Variants in BAIAP2L2 observed in about 807,000 individuals in gnomAD.
BAIAP2L2 encodes BAR/IMD domain-containing adapter protein 2-like 2.
BAIAP2L2 carries 65 observed loss-of-function variants against 60.4 expected under a neutral mutation model. The observed-to-expected ratio is 1.08, with a 90% CI of 0.88 to 1.32. BAIAP2L2 has a LOEUF of 1.32. BAIAP2L2 is among the 40% of genes most tolerant of loss of function. BAIAP2L2 has a pLI of 0.00. For synonymous variants in BAIAP2L2, 344 were observed against 301.7 expected (o/e 1.14, Z -1.45); for missense variants, 836 against 741.2 (o/e 1.13, Z -1.48).
Position 38,089,558 on chromosome 22 carries a change from G to GT in BAIAP2L2, c.728dup (p.Tyr243Ter). 1 of 1,228,552 alleles carries GT rather than the reference G, an allele frequency of 8.1e-7. No homozygotes were observed. Among genetic ancestry groups the GT allele is most frequent in the Non-Finnish European group, 1.0e-6 (1 of 986,628 alleles). The allele number at this position is 1,228,552 out of a possible 1,614,324, so 76.1% of individuals were successfully genotyped here. The change falls in exon 8 of 14, where the codon TAC becomes TAAC. Residue 243 changes from tyrosine to a stop codon, truncating the protein, a stop_gained and frameshift_variant. Transcript: ENST00000381669. LOFTEE classifies it high-confidence loss of function. The stretch of plus-strand genomic sequence containing the variant: ...AGGTGGGCGTCAGGCGGCCCGAGGG[G>GT]TAGGGCGGCCCCAGCGCGGGGCCCA... ...GLLGPALGPPYPSGRLTPTCL... is the reference protein window; with the variant it reads ...GLLGPALGPP
In BAIAP2L2 at chr22:38,097,102, T is replaced by C. The variant is rs772075601; in HGVS notation, c.542A>G (p.Lys181Arg). 1.9e-5 allele frequency: 30 copies of C among 1,613,962 alleles called. No individual in the cohort carries two copies. The highest frequency in any genetic ancestry group is 1.6e-4 in the Middle Eastern group (1 of 6,080). The change falls in exon 7 of 14, where the codon AAG becomes AGG. Residue 181 changes from lysine (K) to arginine (R), a missense_variant. Lys to Arg is a conservative substitution (Grantham distance 26). Coordinates refer to ENST00000381669, the MANE Select transcript of BAIAP2L2 (RefSeq NM_025045.6). ...ESQRAAELEEKRRYRFLAEKH... is the reference protein window; with the variant it reads ...ESQRAAELEERRRYRFLAEKH... ...CTCTGCTAGGAAGCGATAGCGCCGCTTCTCTTCCAATTCAGCCGCCCGCTG... is the reference window on the plus strand; with the variant it reads ...CTCTGCTAGGAAGCGATAGCGCCGCCTCTCTTCCAATTCAGCCGCCCGCTG...
intron 7 of BAIAP2L2, chr22:38,090,030 T>G (rs1409062301): frequency 1.1e-5 from 2 of 187,920 alleles, no homozygotes; most frequent in Admixed American, 6.2e-5. Flanking sequence ...GGAATGGCGC[T>G]TAGATAGAAA....
In BAIAP2L2 at chr22:38,087,158, T is replaced by TCATGGGTGA; in HGVS notation, c.1224_1225insTCACCCATG (p.Ser406_Met408dup). The TCATGGGTGA allele has an allele frequency of 1.9e-6, 3 of 1,588,802 alleles. No homozygotes were observed. The highest frequency in any genetic ancestry group is 2.6e-6 in the Non-Finnish European group (3 of 1,166,456). On this transcript the variant is annotated inframe_insertion, in exon 11 of 14. Coordinates refer to ENST00000381669, the MANE Select transcript of BAIAP2L2 (RefSeq NM_025045.6). ...AGCTCGTTCCCGGGGTTCATGGGTGTCATGGGGGACATGGAGGTCATGGAG... is the reference window on the plus strand; with the variant it reads ...AGCTCGTTCCCGGGGTTCATGGGTGTCATGGGTGACATGGGGGACATGGAGGTCATGGAG...
At chr22:38,090,707 T>C (rs911294225) in intron 7 of BAIAP2L2, 1 of 152,256 alleles carries the variant, frequency 6.6e-6, no homozygotes, top group Non-Finnish European at 1.5e-5. Context: ...AAGAAGATAC[T>C]GAGGGTCAGA....
At chr22:38,092,114 A>AT (rs2086318609) in intron 7 of BAIAP2L2, among the ~76,000 whole-genome samples, 1 of 152,268 alleles carries the variant, frequency 6.6e-6, no homozygotes, top group African/African-American at 2.4e-5. Context: ...TCCTGGAGAT[A>AT]CATTTGCACA....
At position 38,088,878 on chromosome 22, in the gene BAIAP2L2, G is replaced by A. The variant is rs773780836; in HGVS notation, c.988C>T (p.Arg330Cys). 5.0e-6 allele frequency: 8 copies of A among 1,587,754 alleles called. No individual in the cohort carries two copies. Among genetic ancestry groups the A allele is most frequent in the African/African-American group, 1.3e-5 (1 of 74,676 alleles). ...CCCTCCGAGTGGGAGACCAGGGCGC[G>A]GACTCTCCTGGCGCCCCCGCCGCCG... ...PGGGGGARRV[R>C]ALVSHSEGAN... is the part of the protein sequence containing the mutation. The change falls in exon 10 of 14, where the codon CGC (arginine) becomes TGC (cysteine). Residue 330 changes from arginine (R) to cysteine (C), a missense_variant. Physicochemically the swap from Arg to Cys is radical, Grantham distance 180. Coordinates refer to ENST00000381669, the MANE Select transcript of BAIAP2L2 (RefSeq NM_025045.6).
chr22:38,097,775 G>A (rs2086472348), intron 6 of BAIAP2L2, among the ~76,000 whole-genome samples: 1 of 152,092 alleles, frequency 6.6e-6, no homozygotes, highest in Admixed American at 6.5e-5. Context: ...CAATTTTCTC[G>A]GTGAAGTAGG....
intron 4 of BAIAP2L2, among the ~76,000 whole-genome samples, chr22:38,107,412 C>T (rs992324028): frequency 6.6e-6 from 1 of 152,092 alleles, no homozygotes. Flanking sequence ...GCTGCTGGAT[C>T]GACAGAGCCA....
At chr22:38,085,560 G>T in intron 13 of BAIAP2L2, 126 bp downstream of exon 13, 1 of 1,327,300 alleles carries the variant, frequency 7.5e-7, no homozygotes, top group Non-Finnish European at 1.1e-6. Context: ...TGTTGCTCAA[G>T]CTGATGTTGA....
In BAIAP2L2 at chr22:38,099,519, G is replaced by A. The variant is rs2086521165; in HGVS notation, c.277-1037C>T. The stretch of plus-strand genomic sequence containing the variant: ...ACTGCACTCCAGCCTGGGTGACAGA[G>A]TGAAACTCTGTCTCAAAAGAAAAAA... On this transcript the variant is annotated intron_variant, in intron 4 of 13. Coordinates refer to ENST00000381669, the MANE Select transcript of BAIAP2L2 (RefSeq NM_025045.6). Among the ~76,000 whole-genome samples the A allele has an allele frequency of 1.3e-5, 2 of 151,792 alleles. 1 individual carries two copies. The highest frequency in any genetic ancestry group is 3.9e-4 in the East Asian group (2 of 5,156).
At chr22:38,089,772 C>T (rs1013600542) in intron 7 of BAIAP2L2, 98 bp from the exon 8 acceptor site, 1 of 1,128,462 alleles carries the variant, frequency 8.9e-7, no homozygotes, top group Non-Finnish European at 1.1e-6. Flanking sequence ...TCAGGCCCTA[C>T]CAGCTCGGGA....
chr22:38,108,973 G>C (rs1024872488), intron 2 of BAIAP2L2, among the ~76,000 whole-genome samples, 160 bp downstream of exon 2: 23 of 151,098 alleles, frequency 1.5e-4, no homozygotes, highest in African/African-American at 5.6e-4. Flanking sequence ...GGTGCATAAG[G>C]CCTCTCTGGC....
At chr22:38,104,481 A>G (rs1045261674) in intron 4 of BAIAP2L2, among the ~76,000 whole-genome samples, 5 of 151,424 alleles carry the variant, frequency 3.3e-5, no homozygotes, top group African/African-American at 1.2e-4. Context: ...CGGAGGTTCG[A>G]AGAGACTCAA....
chr22:38,096,962 C>T, intron 7 of BAIAP2L2, 70 bp downstream of exon 7: 2 of 1,524,580 alleles, frequency 1.3e-6, no homozygotes, highest in South Asian at 1.2e-5. Flanking sequence ...AGGGAAACCT[C>T]TATGTACGGC....
chr22:38,097,274 C>T, intron 6 of BAIAP2L2, 96 bp from the exon 7 acceptor site: 5 of 1,400,728 alleles, frequency 3.6e-6, no homozygotes, highest in Non-Finnish European at 4.9e-6. Context: ...CCCTGTTCTT[C>T]CTGACTGCCC....
At chr22:38,085,658 CTGTT>C (rs1187934428) in intron 13 of BAIAP2L2, 24 bp downstream of exon 13, 4 of 1,611,000 alleles carry the variant, frequency 2.5e-6, no homozygotes, top group Non-Finnish European at 3.4e-6. Context: ...ACCCTCCTCA[CTGTT>C]TGGGCCCCCA....
At position 38,098,441 on chromosome 22, in the gene BAIAP2L2, C is replaced by T; in HGVS notation, c.318G>A (p.Lys106=). ...FHGGLLQHME[K]NTKLDMQFIK... ...TGAACTGCATGTCCAGCTTGGTGTT[C>T]TTCTCCATGTGCTGCAGCAGGCCTC... Residue 106 remains lysine, a synonymous_variant, in exon 5 of 14, where the codon AAG becomes AAA. Transcript: ENST00000381669. 2 of 1,613,782 alleles carry T rather than the reference C, an allele frequency of 1.2e-6. No individual in the cohort carries two copies. The highest frequency in any genetic ancestry group is 2.2e-5 in the East Asian group (1 of 44,870).
intron 4 of BAIAP2L2, among the ~76,000 whole-genome samples, chr22:38,103,284 G>A (rs2086601473): frequency 6.6e-6 from 1 of 152,278 alleles, no homozygotes; most frequent in Non-Finnish European, 1.5e-5. Flanking sequence ...GACAGAGCGA[G>A]AGAATATGTG....
At chr22:38,109,242 A>G in intron 1 of BAIAP2L2, 34 bp from the exon 2 acceptor site, 2 of 1,550,364 alleles carry the variant, frequency 1.3e-6, no homozygotes, top group Middle Eastern at 1.7e-4. Flanking sequence ...AAAAAGGTGT[A>G]GAGATGGGGG....
Sources: gnomAD v4.1 joint callset for allele counts (sites outside exome capture counted in the v4.1 genomes callset) on GRCh38, gnomAD v4.1.1 for gene constraint, MANE v1.5 for transcripts, NCBI Gene and HGNC (gene_info 2026-07-23, HGNC 2026-07-21) for gene names.